Variants in GRIN2A observed in about 807,000 individuals in gnomAD.
GRIN2A encodes glutamate ionotropic receptor NMDA type subunit 2A, also known as glutamate receptor ionotropic, NMDA 2A.
A neutral mutation model predicts 113.4 loss-of-function variants in GRIN2A; 22 were observed. The observed-to-expected ratio is 0.19, with a 90% CI of 0.14 to 0.28. GRIN2A has a LOEUF of 0.28. GRIN2A is among the 10% of genes least tolerant of loss of function. The pLI is 1.00. For synonymous variants in GRIN2A, 827 were observed against 738.4 expected (o/e 1.12, Z -1.94); for missense variants, 1,502 against 1,887.0 (o/e 0.80, Z 3.78).
intron 2 of GRIN2A, among the ~76,000 whole-genome samples, chr16:10,091,948 C>G (rs1166297520): frequency 6.6e-6 from 1 of 152,066 alleles, no homozygotes; most frequent in African/African-American, 2.4e-5. Context: ...GTGATGGTTG[C>G]AAAATCTGTA....
intron 2 of GRIN2A, among the ~76,000 whole-genome samples, chr16:10,079,573 A>G (rs2047940397): frequency 6.6e-6 from 1 of 152,192 alleles, no homozygotes; most frequent in South Asian, 2.1e-4. Flanking sequence ...GCCCTGATAA[A>G]AGAGGCTCCA....
At chr16:9,800,943 G>A (rs1330813017) in intron 10 of GRIN2A, among the ~76,000 whole-genome samples, 1 of 152,218 alleles carries the variant, frequency 6.6e-6, no homozygotes, top group East Asian at 1.9e-4. Context: ...AGTAGGGTGT[G>A]TAACAGGAAC....
chr16:10,057,362 G>C (rs1184879601), intron 2 of GRIN2A, among the ~76,000 whole-genome samples: 9 of 152,212 alleles, frequency 5.9e-5, no homozygotes, highest in Non-Finnish European at 1.3e-4. Flanking sequence ...TTGTAACTAT[G>C]TTGGTGGCAC....
In GRIN2A at chr16:9,762,247, C is replaced by T. The variant is rs368469221; in HGVS notation, c.*902G>A. The stretch of plus-strand genomic sequence containing the variant: ...TAACAGATACTATACAACCCTGAGT[C>T]ATCACCAGAAGGGAGGAAATGCAAA... On this transcript the variant is annotated 3_prime_UTR_variant, in exon 13 of 13. Coordinates refer to ENST00000330684, the MANE Select transcript of GRIN2A (RefSeq NM_001134407.3). The T allele has an allele frequency of 9.8e-5, 22 of 225,026 alleles. No individual in the cohort carries two copies. Among genetic ancestry groups the T allele is most frequent in the East Asian group, 9.0e-4 (14 of 15,560 alleles). The allele number at this position is 225,026 out of a possible 1,614,324, so 13.9% of individuals were successfully genotyped here.
chr16:10,059,954 A>C (rs1308584002), intron 2 of GRIN2A, among the ~76,000 whole-genome samples: 1 of 149,502 alleles, frequency 6.7e-6, no homozygotes, highest in Non-Finnish European at 1.5e-5. Context: ...AGCCATTAAT[A>C]TCCTAGGGAT....
At chr16:9,835,196 G>C (rs1000071772) in intron 7 of GRIN2A, among the ~76,000 whole-genome samples, 6 of 152,134 alleles carry the variant, frequency 3.9e-5, no homozygotes, top group Admixed American at 3.3e-4. Flanking sequence ...AAATGCAATT[G>C]AAAGTCAATT....
chr16:9,987,140 G>A (rs1280582077), intron 2 of GRIN2A, among the ~76,000 whole-genome samples: 2 of 152,160 alleles, frequency 1.3e-5, no homozygotes, highest in East Asian at 1.9e-4. Context: ...TTACTGGTAT[G>A]GCTGTTTGTT....
chr16:9,818,236 C>T (rs955326894), intron 10 of GRIN2A, among the ~76,000 whole-genome samples: 2 of 151,864 alleles, frequency 1.3e-5, no homozygotes, highest in East Asian at 1.9e-4. Flanking sequence ...CAAAGTTGAT[C>T]GGATCTTGGT....
intron 2 of GRIN2A, among the ~76,000 whole-genome samples, chr16:9,996,357 G>A (rs1266408162): frequency 6.6e-6 from 1 of 152,154 alleles, no homozygotes; most frequent in Non-Finnish European, 1.5e-5. Context: ...TCCCTCCCAC[G>A]ATGCAGGCTC....
chr16:10,001,029 A>G (rs2046311193), intron 2 of GRIN2A, among the ~76,000 whole-genome samples: 1 of 152,204 alleles, frequency 6.6e-6, no homozygotes, highest in African/African-American at 2.4e-5. Flanking sequence ...AAAATAAATA[A>G]AGGTGTTGTG....
chr16:9,904,703 T>C (rs1013634888), intron 3 of GRIN2A, among the ~76,000 whole-genome samples: 1 of 152,136 alleles, frequency 6.6e-6, no homozygotes, highest in Non-Finnish European at 1.5e-5. Flanking sequence ...ATTAGTTCCA[T>C]TGCAAGGGCC....
intron 2 of GRIN2A, among the ~76,000 whole-genome samples, chr16:10,068,963 G>C (rs910297632): frequency 5.3e-5 from 8 of 152,138 alleles, no homozygotes; most frequent in African/African-American, 1.9e-4. Context: ...GGTGACAACT[G>C]ACAGAGCACA....
chr16:9,985,464 T>A lies in GRIN2A; in HGVS notation c.415-46913A>T, dbSNP rs185642578. Among the ~76,000 whole-genome samples, 722 of 151,994 alleles carry A rather than the reference T, an allele frequency of 4.8e-3. 2 individuals carry two copies. The highest frequency in any genetic ancestry group is 0.023 in the South Asian group (112 of 4,812). On this transcript the variant is annotated intron_variant, in intron 2 of 12. Coordinates refer to ENST00000330684, the MANE Select transcript of GRIN2A (RefSeq NM_001134407.3). ...ACCTAAATGTCAACAGACAAATGGA[T>A]AAAGAAAATGTGGTACATATACACA...
intron 2 of GRIN2A, among the ~76,000 whole-genome samples, chr16:10,078,769 G>C (rs1002515123): frequency 6.6e-6 from 1 of 152,156 alleles, no homozygotes; most frequent in African/African-American, 2.4e-5. Context: ...CTGCTGGGGA[G>C]CTGATGTCAC....
intron 7 of GRIN2A, among the ~76,000 whole-genome samples, chr16:9,839,878 G>A (rs948914198): frequency 6.6e-5 from 10 of 152,054 alleles, no homozygotes; most frequent in African/African-American, 2.4e-4. Context: ...CTACTCTCAC[G>A]CTGCTATAAA....
chr16:9,841,662 G>A (rs907630035), intron 5 of GRIN2A, among the ~76,000 whole-genome samples: 2 of 152,268 alleles, frequency 1.3e-5, no homozygotes, highest in Admixed American at 6.5e-5. Context: ...GGAGACCTGG[G>A]TTCTATTCCA....
At chr16:10,024,796 A>G (rs934553352) in intron 2 of GRIN2A, among the ~76,000 whole-genome samples, 2 of 152,238 alleles carry the variant, frequency 1.3e-5, no homozygotes, top group Non-Finnish European at 2.9e-5. Context: ...CTCACTGCTT[A>G]GCAATTATAT....
At chr16:10,111,800 C>T in intron 2 of GRIN2A, 1 of 1,367,008 alleles carries the variant, frequency 7.3e-7, no homozygotes, top group Middle Eastern at 2.5e-4. Flanking sequence ...CATGGCTTCT[C>T]TTGCATCCTC....
At position 9,893,108 on chromosome 16, in the gene GRIN2A, T is replaced by C. The variant is rs537773288; in HGVS notation, c.1008-2008A>G. On this transcript the variant is annotated intron_variant, in intron 3 of 12. Transcript: ENST00000330684. ...GGTTTCCAAGGACAAAGTGAAGAAA[T>C]TGGGGAAAAGGAAAAGAGCAAATAT... Among the ~76,000 whole-genome samples, 6 of 152,028 alleles carry C rather than the reference T, an allele frequency of 3.9e-5. No individual in the cohort carries two copies. The South Asian group carries it at 1.0e-3, about 26-fold the overall frequency.
Sources: allele counts gnomAD v4.1 joint callset (sites outside exome capture counted in the v4.1 genomes callset), GRCh38; gene constraint gnomAD v4.1.1; transcripts MANE v1.5; gene names NCBI Gene and HGNC (gene_info 2026-07-23, HGNC 2026-07-21).